Variants in CTNNA3 observed in about 807,000 individuals in gnomAD.
The protein encoded by CTNNA3 is catenin alpha-3.
Under a neutral mutation model 95.7 loss-of-function variants are expected in CTNNA3, and 76 were observed. That is an observed-to-expected ratio of 0.79 (90% CI 0.66 to 0.96). CTNNA3 has a LOEUF of 0.96. CTNNA3 is among the 40% of genes least tolerant of loss of function. CTNNA3 has a pLI of 0.00. For missense variants in CTNNA3, 1,191 were observed against 1,089.8 expected, an observed-to-expected ratio of 1.09 and a Z score of -1.31; for synonymous variants, 431 against 374.4, an observed-to-expected ratio of 1.15 and a Z score of -1.74.
rs553754147 is a variant in CTNNA3, at chr10:66,072,454, T to TTTTGTTTTG, written c.1978-2966_1978-2965insCAAAACAAA. On this transcript the variant is annotated intron_variant, in intron 14 of 17. Coordinates refer to ENST00000433211, the MANE Select transcript of CTNNA3 (RefSeq NM_013266.4). ...GAAACATTTTCTTGTTTTTGTTTTGTTTTGTTTTAAGGCAGAGTCTTGCTC... is the reference window on the plus strand; with the variant it reads ...GAAACATTTTCTTGTTTTTGTTTTGTTTTGTTTTGTTTGTTTTAAGGCAGAGTCTTGCTC... Among the ~76,000 whole-genome samples, 35 of 152,160 alleles carry TTTTGTTTTG rather than the reference T, an allele frequency of 2.3e-4. No homozygotes were observed. The South Asian group carries it at 4.4e-3, about 19-fold the overall frequency.
chr10:65,966,615 T>C lies in CTNNA3; in HGVS notation c.2397A>G (p.Ser799=), dbSNP rs755863883. 1.9e-6 allele frequency: 3 copies of C among 1,613,504 alleles called. No homozygotes were observed. Among genetic ancestry groups the C allele is most frequent in the African/African-American group, 2.7e-5 (2 of 75,052 alleles). ...IQNLGGELIM[S]ALDSVTSLIQ... ...GTAAGTGCTAGGCAGTACTCACAGC[T>C]GACATGATGAGCTCTCCTCCCAGGT... The change falls in exon 17 of 18, where the codon TCA becomes TCG. Residue 799 remains serine, a synonymous_variant. Transcript: ENST00000433211.
intron 7 of CTNNA3, among the ~76,000 whole-genome samples, chr10:66,919,288 T>C (rs140328199): frequency 2.4e-3 from 369 of 152,256 alleles, no homozygotes; most frequent in African/African-American, 8.4e-3. Flanking sequence ...ATATTTATTA[T>C]ACTAGCCTCT....
intron 5 of CTNNA3, among the ~76,000 whole-genome samples, chr10:67,490,138 T>A (rs961861421): frequency 6.6e-6 from 1 of 152,168 alleles, no homozygotes; most frequent in Non-Finnish European, 1.5e-5. Flanking sequence ...TGATGCGAAA[T>A]CTCATCTTCT....
intron 6 of CTNNA3, among the ~76,000 whole-genome samples, chr10:67,218,453 A>T (rs1230641628): frequency 6.6e-6 from 1 of 152,166 alleles, no homozygotes; most frequent in African/African-American, 2.4e-5. Flanking sequence ...TCTGGAGGGC[A>T]ATGCTCTCAC....
chr10:65,965,393 CTTTTTTTTTTTTTTT>C (rs561552884), intron 17 of CTNNA3, among the ~76,000 whole-genome samples: 1 of 77,652 alleles, frequency 1.3e-5, no homozygotes. Flanking sequence ...CTCCCCTCTA[CTTTTTTTTTTTTTTT>C]TTTTTTTTTT....
intron 7 of CTNNA3, among the ~76,000 whole-genome samples, chr10:67,135,973 C>A (rs768582215): frequency 1.3e-5 from 2 of 152,176 alleles, no homozygotes; most frequent in Admixed American, 1.3e-4. Flanking sequence ...TTAAAGTTCA[C>A]ATAATGGTTA....
intron 7 of CTNNA3, among the ~76,000 whole-genome samples, chr10:67,060,366 T>A (rs1855692663): frequency 1.3e-5 from 2 of 152,238 alleles, no homozygotes; most frequent in South Asian, 4.1e-4. Flanking sequence ...AATTGCCAAG[T>A]GACTAAACAG....
chr10:67,019,405 A>G (rs1852853977), intron 7 of CTNNA3, among the ~76,000 whole-genome samples: 1 of 151,958 alleles, frequency 6.6e-6, no homozygotes, highest in Non-Finnish European at 1.5e-5. Flanking sequence ...TTTAGTAGAG[A>G]CAGGGTTTCT....
At chr10:66,943,679 T>C (rs974654736) in intron 7 of CTNNA3, among the ~76,000 whole-genome samples, 6 of 152,162 alleles carry the variant, frequency 3.9e-5, no homozygotes, top group Non-Finnish European at 7.4e-5. Flanking sequence ...TTTTGTACTT[T>C]TGTACAGCAG....
chr10:66,371,504 T>C (rs1382813598), intron 12 of CTNNA3, among the ~76,000 whole-genome samples: 2 of 152,184 alleles, frequency 1.3e-5, no homozygotes, highest in Non-Finnish European at 2.9e-5. Flanking sequence ...TCTAAAAGAA[T>C]TGGCTTTGCA....
In CTNNA3 at chr10:67,415,660, T is replaced by C. The variant is rs187599450; in HGVS notation, c.579+106182A>G. Among the ~76,000 whole-genome samples the C allele has an allele frequency of 1.9e-3, 286 of 152,280 alleles. 2 individuals carry two copies. The highest frequency in any genetic ancestry group is 6.6e-3 in the African/African-American group (274 of 41,552). On this transcript the variant is annotated intron_variant, in intron 5 of 17. Transcript: ENST00000433211. The stretch of plus-strand genomic sequence containing the variant: ...AGAAAACACTATTTTAAAATTCATA[T>C]AGAACGACAAAAGAGTGTGAATAGC...
intron 10 of CTNNA3, among the ~76,000 whole-genome samples, chr10:66,603,940 A>T (rs1844023323): frequency 6.6e-6 from 1 of 152,134 alleles, no homozygotes; most frequent in Admixed American, 6.5e-5. Context: ...AAATTATATT[A>T]AAAACATAAA....
chr10:66,406,425 G>A (rs1443383489), intron 11 of CTNNA3, among the ~76,000 whole-genome samples: 2 of 152,120 alleles, frequency 1.3e-5, no homozygotes, highest in African/African-American at 2.4e-5. Context: ...CTTTCTTGCT[G>A]CCTGGATTTC....
chr10:67,129,798 C>T (rs1859902233), intron 7 of CTNNA3, among the ~76,000 whole-genome samples: 1 of 152,100 alleles, frequency 6.6e-6, no homozygotes, highest in Non-Finnish European at 1.5e-5. Flanking sequence ...AAACATTTAG[C>T]AAACATCCAC....
chr10:67,218,154 T>A (rs1864471564), intron 6 of CTNNA3, among the ~76,000 whole-genome samples: 1 of 152,146 alleles, frequency 6.6e-6, no homozygotes, highest in South Asian at 2.1e-4. Flanking sequence ...GCATTTCAGA[T>A]AAGGGATGCT....
intron 13 of CTNNA3, among the ~76,000 whole-genome samples, chr10:66,206,682 C>T (rs1461306638): frequency 6.6e-6 from 1 of 151,630 alleles, no homozygotes; most frequent in Non-Finnish European, 1.5e-5. Flanking sequence ...TTGGCCATAT[C>T]ATCTACACTC....
chr10:67,107,866 G>A (rs561971390), intron 7 of CTNNA3, among the ~76,000 whole-genome samples: 1 of 152,186 alleles, frequency 6.6e-6, no homozygotes. Context: ...TCCTCTTCCT[G>A]TGTGGAACTT....
At chr10:66,306,461 A>G (rs943707895) in intron 12 of CTNNA3, among the ~76,000 whole-genome samples, 16 of 152,146 alleles carry the variant, frequency 1.1e-4, no homozygotes, top group African/African-American at 3.6e-4. Flanking sequence ...ACTTTATGCT[A>G]TAGCACAGAA....
intron 15 of CTNNA3, among the ~76,000 whole-genome samples, chr10:66,002,892 T>C (rs2078797759): frequency 6.6e-6 from 1 of 152,234 alleles, no homozygotes; most frequent in African/African-American, 2.4e-5. Context: ...CAAGGTTTTG[T>C]GAACTCACAG....
Sources: allele counts gnomAD v4.1 joint callset (sites outside exome capture counted in the v4.1 genomes callset), GRCh38; gene constraint gnomAD v4.1.1; transcripts MANE v1.5; gene names NCBI Gene and HGNC (gene_info 2026-07-23, HGNC 2026-07-21).